The following LAP3 variants were observed in gnomAD, a reference collection of about 807,000 sequenced individuals.
LAP3 encodes the protein leucine aminopeptidase 3, also known as cytosol aminopeptidase.
LAP3 carries 46 observed loss-of-function variants against 58.8 expected under a neutral mutation model. The observed-to-expected ratio is 0.78, with a 90% confidence interval of 0.62 to 1.00. The LOEUF (loss-of-function observed/expected upper bound fraction) is 1.00. LAP3 is among the 50% of genes least tolerant of loss of function. The probability of loss-of-function intolerance (pLI) is 0.00; values close to 1 mark genes in which losing one functional copy is unlikely to be tolerated. For missense variants in LAP3, 615 were observed against 659.1 expected (o/e 0.93, Z 0.73); for synonymous variants, 257 against 237.7 (o/e 1.08, Z -0.75).
rs1197369893 is a variant in LAP3, at chr4:17,583,598, A to C, written c.495A>C (p.Leu165=). The C allele has an allele frequency of 3.1e-6, 5 of 1,614,076 alleles. No individual in the cohort carries two copies. In the African/African-American group the frequency reaches 6.7e-5, roughly 22 times the overall value. Reference sequence around the variant, plus strand: ...TTGGTCTCTATGAATACGATGACCTAAAGCAAAAAAAGAAGATGGCTGTGT... The same window carrying C: ...TTGGTCTCTATGAATACGATGACCTCAAGCAAAAAAAGAAGATGGCTGTGT... The part of the protein sequence containing the change: ...AVLGLYEYDD[L]KQKKKMAVSA... Residue 165 remains leucine (L), a synonymous_variant, in exon 5 of 13, where the codon CTA becomes CTC. Transcript: ENST00000226299.
rs201266976 is a variant in LAP3, at chr4:17,606,563, TTC to T, written c.1261-264_1261-263del. 1.1e-4 allele frequency among the ~76,000 whole-genome samples: 17 copies of T among 152,286 alleles called. No individual in the cohort carries two copies. In the East Asian group the frequency reaches 3.3e-3, roughly 29 times the overall value. On this transcript the variant is annotated intron_variant, in intron 11 of 12. Transcript: ENST00000226299. Reference sequence around the variant, plus strand: ...CCATGTTGGCCAGGATGGTCTCGATTTCTTGACCTCGTGATCCACCCGCCTCG... The same window carrying T: ...CCATGTTGGCCAGGATGGTCTCGATTTTGACCTCGTGATCCACCCGCCTCG...
intron 6 of LAP3, chr4:17,585,738 C>T (rs4698620): frequency 0.62 from 94,561 of 152,322 alleles, 29,994 homozygotes; most frequent in East Asian, 0.88. Context: ...AGAATATTCA[C>T]AGAGTTGTGC....
chr4:17,577,664 C>G, intron 1 of LAP3, 97 bp downstream of exon 1: 1 of 957,310 alleles, frequency 1.0e-6, no homozygotes, highest in South Asian at 1.5e-5. Context: ...TCCTGGGCGC[C>G]CAAGCCAAGT....
At position 17,577,200 on chromosome 4, in the gene LAP3, A is replaced by ACCCGAATGCGGGCGCC; in HGVS notation, c.-265_-264insCCGAATGCGGGCGCCC. The ACCCGAATGCGGGCGCC allele has an allele frequency of 3.5e-6, 1 of 284,352 alleles. No individual in the cohort carries two copies. The highest frequency in any genetic ancestry group is 6.0e-5 in the East Asian group (1 of 16,716). The allele number at this position is 284,352 out of a possible 1,614,324, so 17.6% of individuals were successfully genotyped here. On this transcript the variant is annotated 5_prime_UTR_variant, in exon 1 of 13. In the 5' UTR this introduces an upstream ATG that the reference lacks. Transcript: ENST00000226299. ...CGCCCCCGCCCGCATGCGCGGGCGC[A>ACCCGAATGCGGGCGCC]CACGAATGCGGGCGCACACGAATGC... is the stretch of plus-strand genomic sequence containing the variant.
intron 7 of LAP3, 144 bp downstream of exon 7, chr4:17,589,121 C>T (rs1199992072): frequency 1.1e-5 from 9 of 791,140 alleles, no homozygotes; most frequent in East Asian, 1.1e-4. Context: ...AGTGCAGTGG[C>T]GTGATCTCGG....
rs771697329 is a variant in LAP3, at chr4:17,598,460, A to G, written c.1082A>G (p.Asp361Gly). The G allele has an allele frequency of 6.2e-7, 1 of 1,612,340 alleles. No homozygotes were observed. Among genetic ancestry groups the G allele is most frequent in the Admixed American group, 1.7e-5 (1 of 60,012 alleles). ...TCTGTTTTTGACCCTCTGCAGGTTG[A>G]TAACACTGATGCTGAGGGGAGGCTC... Reference protein sequence around the residue: ...RAKNGKTIQVDNTDAEGRLIL... With the variant: ...RAKNGKTIQVGNTDAEGRLIL... Residue 361 changes from aspartate to glycine, a missense_variant, in exon 10 of 13, where the codon GAT (aspartate) becomes GGT (glycine). Coordinates refer to ENST00000226299, the MANE Select transcript of LAP3 (RefSeq NM_015907.3).
At chr4:17,592,221 C>T (rs1713703108) in intron 7 of LAP3, among the ~76,000 whole-genome samples, 1 of 152,222 alleles carries the variant, frequency 6.6e-6, no homozygotes, top group African/African-American at 2.4e-5. Context: ...CAGAAGTTCC[C>T]TTCTGCCTTT....
At chr4:17,595,328 G>A (rs1860590) in intron 7 of LAP3, 82 bp from the exon 8 acceptor site, 61,996 of 1,513,410 alleles carry the variant, frequency 0.041, 5,173 homozygotes, top group African/African-American at 0.35. Flanking sequence ...GTGAGCCACC[G>A]TGCCCATCTG....
Position 17,577,373 on chromosome 4 carries a change from C to T in LAP3, c.-93C>T. 2 of 947,038 alleles carry T rather than the reference C, an allele frequency of 2.1e-6. No individual in the cohort carries two copies. Among genetic ancestry groups the T allele is most frequent in the Non-Finnish European group, 3.0e-6 (2 of 674,824 alleles). 58.7% of individuals were successfully genotyped at this position (947,038 alleles called of 1,614,324 possible). Reference sequence around the variant, plus strand: ...CGCCCGAGCCAGTCCGCGCGCACGCCGTCTGCGCCCCGAAAGCCCCGCCCC... The same window carrying T: ...CGCCCGAGCCAGTCCGCGCGCACGCTGTCTGCGCCCCGAAAGCCCCGCCCC... On this transcript the variant is annotated 5_prime_UTR_variant, in exon 1 of 13. Coordinates refer to ENST00000226299, the MANE Select transcript of LAP3 (RefSeq NM_015907.3).
intron 2 of LAP3, among the ~76,000 whole-genome samples, chr4:17,581,505 G>A (rs189990797): frequency 6.4e-4 from 97 of 152,186 alleles, no homozygotes; most frequent in Admixed American, 3.0e-3. Context: ...TCGGGAGGCT[G>A]AGGTGGGAGG....
At chr4:17,603,978 G>A (rs375418998) in intron 10 of LAP3, among the ~76,000 whole-genome samples, 9 of 151,648 alleles carry the variant, frequency 5.9e-5, no homozygotes, top group East Asian at 1.9e-4. Flanking sequence ...CAGGCACCAC[G>A]CTCAGCTAAT....
chr4:17,600,724 G>A (rs1306293926), intron 10 of LAP3, among the ~76,000 whole-genome samples: 1 of 152,122 alleles, frequency 6.6e-6, no homozygotes, highest in Non-Finnish European at 1.5e-5. Flanking sequence ...AGAAGCTAGG[G>A]TTCCAAGAGG....
intron 10 of LAP3, among the ~76,000 whole-genome samples, chr4:17,603,239 T>G (rs1051208318): frequency 2.0e-5 from 3 of 151,308 alleles, no homozygotes; most frequent in African/African-American, 4.9e-5. Context: ...ACCCGGGAGG[T>G]GGAGGTTGCA....
At position 17,582,066 on chromosome 4, in the gene LAP3, T is replaced by G. The variant is rs184058839; in HGVS notation, c.274-222T>G. 1.9e-5 allele frequency: 11 copies of G among 594,498 alleles called. No individual in the cohort carries two copies. In the Admixed American group the frequency reaches 3.3e-4, roughly 18 times the overall value. 36.8% of individuals were successfully genotyped at this position (594,498 alleles called of 1,614,324 possible). On this transcript the variant is annotated intron_variant, in intron 3 of 12. Coordinates refer to ENST00000226299, the MANE Select transcript of LAP3 (RefSeq NM_015907.3). ...CACAGAATTATTTGCAAGAGTATCC[T>G]CACTTACTCTGCCTCTCAAACCTAT...
intron 2 of LAP3, among the ~76,000 whole-genome samples, chr4:17,581,463 G>A (rs1026074557): frequency 7.9e-5 from 12 of 152,096 alleles, no homozygotes; most frequent in East Asian, 7.7e-4. Flanking sequence ...GATCAGCAGT[G>A]TAATCTGTAT....
At chr4:17,578,931 C>T (rs1310365239) in intron 1 of LAP3, among the ~76,000 whole-genome samples, 1 of 152,166 alleles carries the variant, frequency 6.6e-6, no homozygotes, top group Non-Finnish European at 1.5e-5. Context: ...CTGGGATTTG[C>T]ACTTGAGGAT....
At chr4:17,582,128 G>GA in intron 3 of LAP3, 160 bp from the exon 4 acceptor site, 14 of 656,692 alleles carry the variant, frequency 2.1e-5, no homozygotes, top group South Asian at 6.2e-5. Flanking sequence ...AAGGTTTTAA[G>GA]AAAAAAAAGC....
At chr4:17,596,474 G>C (rs1713834732) in intron 8 of LAP3, among the ~76,000 whole-genome samples, 1 of 152,076 alleles carries the variant, frequency 6.6e-6, no homozygotes, top group African/African-American at 2.4e-5. Flanking sequence ...TGAGTAGCTG[G>C]GATTACAGGC....
chr4:17,578,254 G>C (rs1577217286), intron 1 of LAP3, among the ~76,000 whole-genome samples: 1 of 152,202 alleles, frequency 6.6e-6, no homozygotes, highest in Admixed American at 6.5e-5. Context: ...GGGAGCTTGA[G>C]CTCCAGTCTC....
Sources: allele counts gnomAD v4.1 joint callset (sites outside exome capture counted in the v4.1 genomes callset), GRCh38; gene constraint gnomAD v4.1.1; transcripts MANE v1.5; gene names NCBI Gene and HGNC (gene_info 2026-07-23, HGNC 2026-07-21).